The following SMYD3 variants were observed in gnomAD, a reference collection of about 807,000 sequenced individuals.
The protein encoded by SMYD3 is SET and MYND domain containing 3.
Under a neutral mutation model 57.7 loss-of-function variants are expected in SMYD3, and 36 were observed. That is an observed-to-expected ratio of 0.62 (90% CI 0.48 to 0.82). The LOEUF (loss-of-function observed/expected upper bound fraction) is 0.82, where lower values mean the gene tolerates loss of function less well. SMYD3 is among the 40% of genes least tolerant of loss of function. SMYD3 has a pLI of 0.00. For synonymous variants in SMYD3, 211 were observed against 195.0 expected (o/e 1.08, Z -0.68); for missense variants, 515 against 538.8 (o/e 0.96, Z 0.44).
At chr1:245,834,906 TAGTG>T (rs890193940) in intron 10 of SMYD3, among the ~76,000 whole-genome samples, 3 of 152,168 alleles carry the variant, frequency 2.0e-5, no homozygotes, top group African/African-American at 7.2e-5. Context: ...ACAATTCATA[TAGTG>T]AGTCTCTTGG....
intron 5 of SMYD3, among the ~76,000 whole-genome samples, chr1:246,246,392 T>C (rs2063704952): frequency 6.6e-6 from 1 of 152,152 alleles, no homozygotes; most frequent in Admixed American, 6.5e-5. Context: ...ATTTTTCTAC[T>C]GGAAAGTAAG....
chr1:245,784,708 G>C (rs2046963948), intron 10 of SMYD3, among the ~76,000 whole-genome samples: 1 of 152,164 alleles, frequency 6.6e-6, no homozygotes, highest in Non-Finnish European at 1.5e-5. Flanking sequence ...GTGTTGCCAA[G>C]GACCAAGGCA....
intron 5 of SMYD3, among the ~76,000 whole-genome samples, chr1:246,141,472 C>CA (rs1219169569): frequency 3.9e-5 from 4 of 103,304 alleles, no homozygotes; most frequent in African/African-American, 1.0e-4. Flanking sequence ...CACACCTTGA[C>CA]AGATGGTGCA....
At position 246,031,614 on chromosome 1, in the gene SMYD3, G is replaced by A. The variant is rs561056306; in HGVS notation, c.532-101677C>T. 1.1e-3 allele frequency among the ~76,000 whole-genome samples: 161 copies of A among 152,122 alleles called. 1 individual carries two copies. Among genetic ancestry groups the A allele is most frequent in the African/African-American group, 3.5e-3 (146 of 41,460 alleles). On this transcript the variant is annotated intron_variant, in intron 5 of 11. Transcript: ENST00000490107. ...TAGCCAGGCGTGGTGGCGGGCGCCT[G>A]TAGTCCCAGCTACTCGGGAGGCTGA...
intron 5 of SMYD3, among the ~76,000 whole-genome samples, chr1:246,113,130 C>T (rs1572044473): frequency 6.6e-6 from 1 of 151,280 alleles, no homozygotes; most frequent in East Asian, 1.9e-4. Context: ...TGCAGTGAGC[C>T]GAGATCACGC....
At chr1:246,201,198 T>C (rs899920091) in intron 5 of SMYD3, among the ~76,000 whole-genome samples, 2 of 152,212 alleles carry the variant, frequency 1.3e-5, no homozygotes, top group African/African-American at 4.8e-5. Flanking sequence ...GATTCCCCTC[T>C]AAGTAAGTCT....
intron 10 of SMYD3, among the ~76,000 whole-genome samples, chr1:245,795,941 A>AACC (rs2047503642): frequency 6.6e-6 from 1 of 152,194 alleles, no homozygotes; most frequent in Non-Finnish European, 1.5e-5. Flanking sequence ...CTATCTTAGT[A>AACC]ACCCTATCTC....
At chr1:245,817,469 A>G (rs888147923) in intron 10 of SMYD3, among the ~76,000 whole-genome samples, 14 of 147,186 alleles carry the variant, frequency 9.5e-5, no homozygotes, top group Middle Eastern at 3.4e-3. Context: ...GAAAAACTGG[A>G]AACTCTAAAA....
At chr1:245,943,206 T>A (rs1572752899) in intron 5 of SMYD3, among the ~76,000 whole-genome samples, 1 of 108,194 alleles carries the variant, frequency 9.2e-6, no homozygotes. Context: ...ATACAGGGGC[T>A]GAGTTTTTTT....
intron 1 of SMYD3, among the ~76,000 whole-genome samples, chr1:246,362,585 C>G (rs1322452213): frequency 6.6e-6 from 1 of 152,198 alleles, no homozygotes; most frequent in East Asian, 1.9e-4. Context: ...CTCAGCCTGC[C>G]AAGTGCCTGC....
intron 5 of SMYD3, among the ~76,000 whole-genome samples, chr1:246,018,525 A>G (rs1236338004): frequency 6.6e-5 from 10 of 152,132 alleles, no homozygotes; most frequent in Non-Finnish European, 1.3e-4. Context: ...GAATATTTTA[A>G]ATGTTTGCCA....
intron 5 of SMYD3, among the ~76,000 whole-genome samples, chr1:246,261,704 AT>A (rs201456784): frequency 7.3e-6 from 1 of 136,972 alleles, no homozygotes; most frequent in Admixed American, 7.1e-5. Flanking sequence ...AGTAATAAGA[AT>A]TTAAAAAAAA....
intron 5 of SMYD3, among the ~76,000 whole-genome samples, chr1:245,997,859 T>A (rs765971577): frequency 2.0e-5 from 3 of 152,168 alleles, no homozygotes; most frequent in Non-Finnish European, 4.4e-5. Flanking sequence ...TTGCTAAGTG[T>A]GTCTTCAAGC....
chr1:245,936,240 A>G (rs2056973167), intron 5 of SMYD3, among the ~76,000 whole-genome samples: 1 of 152,234 alleles, frequency 6.6e-6, no homozygotes, highest in African/African-American at 2.4e-5. Flanking sequence ...ATAATTCTAT[A>G]AATTTGTCTC....
chr1:246,180,308 A>C (rs2062519675), intron 5 of SMYD3, among the ~76,000 whole-genome samples: 1 of 145,986 alleles, frequency 6.8e-6, no homozygotes, highest in African/African-American at 2.5e-5. Flanking sequence ...ATAAGTATAT[A>C]TATAAACTAC....
At chr1:246,021,090 G>A (rs1572901092) in intron 5 of SMYD3, among the ~76,000 whole-genome samples, 1 of 152,318 alleles carries the variant, frequency 6.6e-6, no homozygotes, top group Middle Eastern at 3.4e-3. Context: ...GCCAATACCA[G>A]AAACATGTGA....
intron 5 of SMYD3, among the ~76,000 whole-genome samples, chr1:246,208,151 A>T (rs1222613871): frequency 2.0e-5 from 3 of 152,148 alleles, no homozygotes; most frequent in Non-Finnish European, 4.4e-5. Flanking sequence ...TCATAGGCTA[A>T]ATCAAAGCAC....
chr1:245,787,557 C>T (rs974651730), intron 10 of SMYD3, among the ~76,000 whole-genome samples: 2 of 151,914 alleles, frequency 1.3e-5, no homozygotes, highest in Non-Finnish European at 2.9e-5. Flanking sequence ...CAGCTTTCTC[C>T]AGAAGTTCCC....
At chr1:246,470,628 C>T (rs181598366) in intron 1 of SMYD3, among the ~76,000 whole-genome samples, 47 of 149,240 alleles carry the variant, frequency 3.1e-4, no homozygotes, top group African/African-American at 9.6e-4. Flanking sequence ...TATATACACA[C>T]TATATATATA....
Sources: gnomAD v4.1 joint callset for allele counts (sites outside exome capture counted in the v4.1 genomes callset) on GRCh38, gnomAD v4.1.1 for gene constraint, MANE v1.5 for transcripts, NCBI Gene and HGNC (gene_info 2026-07-23, HGNC 2026-07-21) for gene names.